SPOCK1: variants seen among roughly 807,000 people sequenced by gnomAD.
The protein encoded by SPOCK1 is testican-1.
Under a neutral mutation model 55.3 loss-of-function variants are expected in SPOCK1, and 23 were observed. That is an observed-to-expected ratio of 0.42 (90% CI 0.30 to 0.59). The LOEUF is 0.59. Among genes scored for constraint, SPOCK1 ranks in the 20% least tolerant of loss-of-function variants. SPOCK1 has a pLI of 0.22. For missense variants in SPOCK1, 499 were observed against 552.5 expected, an observed-to-expected ratio of 0.90 and a Z score of 0.97; for synonymous variants, 226 against 221.0, an observed-to-expected ratio of 1.02 and a Z score of -0.20.
At chr5:137,353,838 A>AC (rs1475025504) in intron 2 of SPOCK1, among the ~76,000 whole-genome samples, 1 of 151,956 alleles carries the variant, frequency 6.6e-6, no homozygotes, top group Non-Finnish European at 1.5e-5. Flanking sequence ...TCCCTGGCAG[A>AC]CCCATCCACT....
intron 8 of SPOCK1, among the ~76,000 whole-genome samples, chr5:136,988,045 A>G (rs761866219): frequency 1.3e-5 from 2 of 152,222 alleles, no homozygotes; most frequent in African/African-American, 2.4e-5. Flanking sequence ...GACTTTCTCA[A>G]TGAGAATGAT....
chr5:137,107,280 A>C (rs1489320003), intron 5 of SPOCK1, among the ~76,000 whole-genome samples: 1 of 152,208 alleles, frequency 6.6e-6, no homozygotes, highest in Non-Finnish European at 1.5e-5. Flanking sequence ...AACTCAATAC[A>C]TATTTATTGA....
At chr5:137,114,010 A>G (rs1472424976) in intron 4 of SPOCK1, among the ~76,000 whole-genome samples, 6 of 152,174 alleles carry the variant, frequency 3.9e-5, no homozygotes, top group African/African-American at 1.2e-4. Context: ...TTCTACCTCA[A>G]ACCTACTCTA....
chr5:137,102,045 T>C (rs1307279637), intron 5 of SPOCK1, among the ~76,000 whole-genome samples: 1 of 152,218 alleles, frequency 6.6e-6, no homozygotes. Context: ...GGCCATAGCA[T>C]TTAATGAGGC....
intron 6 of SPOCK1, among the ~76,000 whole-genome samples, chr5:137,033,272 A>C (rs1751818761): frequency 6.6e-6 from 1 of 152,200 alleles, no homozygotes; most frequent in Non-Finnish European, 1.5e-5. Context: ...GATGCTATGG[A>C]GCCACAATGT....
At chr5:137,011,142 G>T (rs1485916860) in intron 6 of SPOCK1, among the ~76,000 whole-genome samples, 1 of 152,182 alleles carries the variant, frequency 6.6e-6, no homozygotes, top group Non-Finnish European at 1.5e-5. Flanking sequence ...ACTGGCTTAT[G>T]CATATGTAAA....
intron 3 of SPOCK1, among the ~76,000 whole-genome samples, chr5:137,161,015 T>G (rs1005444408): frequency 6.0e-4 from 88 of 145,854 alleles, no homozygotes; most frequent in African/African-American, 2.0e-3. Flanking sequence ...GAGATATATA[T>G]ATATATATAT....
intron 3 of SPOCK1, among the ~76,000 whole-genome samples, chr5:137,167,204 A>G (rs1754664473): frequency 6.6e-6 from 1 of 152,054 alleles, no homozygotes; most frequent in Non-Finnish European, 1.5e-5. Context: ...TAAGATAAAA[A>G]CTATAAGAAT....
chr5:137,284,069 C>T (rs1330962874), intron 2 of SPOCK1, among the ~76,000 whole-genome samples: 1 of 152,220 alleles, frequency 6.6e-6, no homozygotes, highest in East Asian at 1.9e-4. Flanking sequence ...AGCACAATGA[C>T]TTTGCAAGGA....
At chr5:137,024,314 A>AGGAG (rs71583270) in intron 6 of SPOCK1, among the ~76,000 whole-genome samples, 1 of 119,194 alleles carries the variant, frequency 8.4e-6, no homozygotes, top group Non-Finnish European at 1.7e-5. Flanking sequence ...ACCAGTTTGA[A>AGGAG]GGGGGGGGGG....
intron 3 of SPOCK1, among the ~76,000 whole-genome samples, chr5:137,169,450 A>T (rs1754706472): frequency 6.6e-6 from 1 of 152,278 alleles, no homozygotes; most frequent in East Asian, 1.9e-4. Context: ...CCCAACAAAT[A>T]TATATACCTA....
chr5:137,089,560 C>T (rs1349931804), intron 5 of SPOCK1, among the ~76,000 whole-genome samples: 1 of 152,186 alleles, frequency 6.6e-6, no homozygotes, highest in Non-Finnish European at 1.5e-5. Flanking sequence ...CCCTCAGCAT[C>T]TCCTCAGTGA....
chr5:137,187,891 A>G (rs949449833), intron 3 of SPOCK1, among the ~76,000 whole-genome samples: 3 of 152,266 alleles, frequency 2.0e-5, no homozygotes, highest in African/African-American at 7.2e-5. Context: ...TGGAAGGGTT[A>G]TGATCCATTA....
intron 2 of SPOCK1, among the ~76,000 whole-genome samples, chr5:137,269,701 G>C (rs141346720): frequency 6.6e-6 from 1 of 152,294 alleles, no homozygotes; most frequent in African/African-American, 2.4e-5. Flanking sequence ...CAAAACTCAA[G>C]TGGAGAAAGC....
intron 3 of SPOCK1, among the ~76,000 whole-genome samples, chr5:137,160,556 ATTATATATT>A (rs1361294887): frequency 1.4e-4 from 8 of 58,304 alleles, no homozygotes; most frequent in African/African-American, 7.0e-4. Context: ...TATAATATAT[ATTATATATT>A]ATATATTATA....
intron 3 of SPOCK1, among the ~76,000 whole-genome samples, chr5:137,186,874 C>T (rs1755079457): frequency 6.6e-6 from 1 of 152,182 alleles, no homozygotes; most frequent in South Asian, 2.1e-4. Context: ...GACCAATGAC[C>T]TCCAGGCCAT....
intron 2 of SPOCK1, among the ~76,000 whole-genome samples, chr5:137,355,701 C>T (rs908898868): frequency 6.6e-6 from 1 of 152,156 alleles, no homozygotes; most frequent in African/African-American, 2.4e-5. Flanking sequence ...AGGACCTGAG[C>T]CGTTCCAGAT....
chr5:137,498,671 G>C (rs1580961466), intron 1 of SPOCK1, 113 bp from the exon 2 acceptor site: 1 of 920,038 alleles, frequency 1.1e-6, no homozygotes, highest in Non-Finnish European at 1.4e-6. Flanking sequence ...CGGCGGGCAC[G>C]GGCAGCGCTC....
intron 3 of SPOCK1, among the ~76,000 whole-genome samples, chr5:137,168,098 G>C (rs140782136): frequency 5.9e-5 from 9 of 152,124 alleles, no homozygotes; most frequent in African/African-American, 1.9e-4. Flanking sequence ...AGAAAAAAGA[G>C]AGAAGACATA....
Sources: allele counts gnomAD v4.1 joint callset (sites outside exome capture counted in the v4.1 genomes callset), GRCh38; gene constraint gnomAD v4.1.1; transcripts MANE v1.5; gene names NCBI Gene and HGNC (gene_info 2026-07-23, HGNC 2026-07-21).